The following CSMD1 variants were observed in gnomAD, a reference collection of about 807,000 sequenced individuals.
CSMD1 encodes CUB and sushi domain-containing protein 1.
Under a neutral mutation model 417.5 loss-of-function variants are expected in CSMD1, and 213 were observed. The observed-to-expected ratio is 0.51, with a 90% CI of 0.46 to 0.57. The LOEUF (loss-of-function observed/expected upper bound fraction) is 0.57, where lower values mean the gene tolerates loss of function less well. Ranked by LOEUF, CSMD1 falls within the 20% of genes least tolerant of loss-of-function variation. The pLI is 0.00. For synonymous variants in CSMD1, 2,862 were observed against 1,736.8 expected (o/e 1.65, Z -16.11); for missense variants, 6,923 against 4,529.7 (o/e 1.53, Z -15.17).
rs200640055 is a variant in CSMD1 at position 3,999,667 on chromosome 8, T to G, written c.611-1557A>C. 1.2e-4 allele frequency among the ~76,000 whole-genome samples: 18 copies of G among 152,276 alleles called. No homozygotes were observed. The East Asian group carries it at 3.5e-3, about 29-fold the overall frequency. On this transcript the variant is annotated intron_variant, in intron 4 of 69. Transcript: ENST00000635120. ...CCATCCTTCCTACGGGATGCCAGGC[T>G]GGTCTACACACTAGGCATTCTCATG...
rs750772978 is a variant in CSMD1, at chr8:4,070,942, G to A, written c.416-38843C>T. On this transcript the variant is annotated intron_variant, in intron 3 of 69. Transcript: ENST00000635120. ...TTGTTTTCTATGGATGGCCTCCATG[G>A]TGTTTGATGTAAAATCAGCAATAAT... 2.6e-5 allele frequency among the ~76,000 whole-genome samples: 4 copies of A among 152,220 alleles called. No homozygotes were observed. In the Middle Eastern group the frequency reaches 0.014, roughly 518 times the overall value.
chr8:4,823,774 G>A (rs1007541970), intron 1 of CSMD1, among the ~76,000 whole-genome samples: 5 of 151,808 alleles, frequency 3.3e-5, no homozygotes, highest in African/African-American at 1.2e-4. Context: ...TGGTGGCAGT[G>A]TGTGCACAAG....
In CSMD1 at chr8:3,647,406, C is replaced by T. The variant is rs117747915; in HGVS notation, c.1010-30609G>A. Among the ~76,000 whole-genome samples the T allele has an allele frequency of 8.8e-3, 1,336 of 151,630 alleles. 11 individuals are homozygous for T. The highest frequency in any genetic ancestry group is 0.011 in the Non-Finnish European group (724 of 67,912). Reference sequence around the variant, plus strand: ...GAAAGAAATATAAAGAGAAATAGAACACAAAGAGAAAAACAGCATAAAGAG... The same window carrying T: ...GAAAGAAATATAAAGAGAAATAGAATACAAAGAGAAAAACAGCATAAAGAG... On this transcript the variant is annotated intron_variant, in intron 7 of 69. Transcript: ENST00000635120.
chr8:3,913,527 G>A (rs562701388), intron 5 of CSMD1, among the ~76,000 whole-genome samples: 57 of 152,278 alleles, frequency 3.7e-4, no homozygotes, highest in African/African-American at 1.3e-3. Context: ...AAAGGATGGA[G>A]CGAGCCCTAG....
intron 49 of CSMD1, among the ~76,000 whole-genome samples, chr8:3,083,623 TATATATATATATATATATATATATA>T (rs1814273712): frequency 4.9e-5 from 1 of 20,234 alleles, no homozygotes; most frequent in South Asian, 2.5e-3. Context: ...TATATATATA[TATATATATATATATATATATATATA>T]TTTTTTTTTT....
intron 3 of CSMD1, among the ~76,000 whole-genome samples, chr8:4,242,871 G>A (rs949829266): frequency 6.6e-6 from 1 of 152,106 alleles, no homozygotes; most frequent in Non-Finnish European, 1.5e-5. Flanking sequence ...AAAGCATCAG[G>A]ATGAAATATT....
intron 11 of CSMD1, among the ~76,000 whole-genome samples, chr8:3,480,659 A>G (rs1817689545): frequency 1.3e-5 from 2 of 152,186 alleles, no homozygotes; most frequent in Admixed American, 6.5e-5. Context: ...TTTAAAAACT[A>G]AAGACAGAAA....
Position 4,313,706 on chromosome 8 carries a change from G to A in CSMD1, c.415+106247C>T, listed in dbSNP as rs191696220. Among the ~76,000 whole-genome samples, 11 of 152,006 alleles carry A rather than the reference G, an allele frequency of 7.2e-5. No homozygotes were observed. In the East Asian group the frequency reaches 1.6e-3, roughly 21 times the overall value. On this transcript the variant is annotated intron_variant, in intron 3 of 69. Transcript: ENST00000635120. ...GAAAGTTTCAGACATTTACTCTAAG[G>A]TCATATGACTTAAAAAAAGCAGAAC... is the stretch of plus-strand genomic sequence containing the variant.
chr8:4,185,281 C>T (rs1306828209), intron 3 of CSMD1, among the ~76,000 whole-genome samples: 1 of 151,932 alleles, frequency 6.6e-6, no homozygotes, highest in Non-Finnish European at 1.5e-5. Flanking sequence ...TGATCTTGGG[C>T]AAATTGTTTA....
chr8:3,677,535 G>A (rs2117581165), intron 7 of CSMD1, among the ~76,000 whole-genome samples: 1 of 152,250 alleles, frequency 6.6e-6, no homozygotes, highest in Middle Eastern at 3.4e-3. Context: ...CAGGGTGGCT[G>A]GGCTCAGCGA....
At chr8:4,149,109 G>A (rs561985152) in intron 3 of CSMD1, among the ~76,000 whole-genome samples, 31 of 151,954 alleles carry the variant, frequency 2.0e-4, no homozygotes, top group Admixed American at 8.5e-4. Flanking sequence ...GATTACAGGC[G>A]TGTACCACCA....
chr8:3,914,616 A>G (rs1808689318), intron 5 of CSMD1, among the ~76,000 whole-genome samples: 1 of 152,132 alleles, frequency 6.6e-6, no homozygotes, highest in Non-Finnish European at 1.5e-5. Flanking sequence ...AGCTAGCATT[A>G]AATGAAACTC....
At chr8:3,437,029 T>C (rs1439221973) in intron 12 of CSMD1, among the ~76,000 whole-genome samples, 1 of 152,210 alleles carries the variant, frequency 6.6e-6, no homozygotes, top group Non-Finnish European at 1.5e-5. Flanking sequence ...ATTGCTCATT[T>C]AAAGTGTGGA....
At chr8:4,357,711 T>C (rs931821793) in intron 3 of CSMD1, among the ~76,000 whole-genome samples, 3 of 152,252 alleles carry the variant, frequency 2.0e-5, no homozygotes, top group Middle Eastern at 3.4e-3. Flanking sequence ...TCAGAATTAA[T>C]TTGAGATCAA....
At chr8:4,607,654 C>T (rs1800949999) in intron 2 of CSMD1, among the ~76,000 whole-genome samples, 1 of 152,082 alleles carries the variant, frequency 6.6e-6, no homozygotes, top group Non-Finnish European at 1.5e-5. Context: ...AAATGGATGG[C>T]ACTACACTTC....
intron 1 of CSMD1, among the ~76,000 whole-genome samples, chr8:4,695,388 G>A (rs887950750): frequency 1.3e-5 from 2 of 152,132 alleles, no homozygotes; most frequent in Non-Finnish European, 2.9e-5. Flanking sequence ...TTATTTACAC[G>A]CATATTACTG....
At chr8:3,446,675 T>A (rs1449734234) in intron 12 of CSMD1, among the ~76,000 whole-genome samples, 3 of 152,138 alleles carry the variant, frequency 2.0e-5, no homozygotes, top group Admixed American at 2.0e-4. Flanking sequence ...TGGTAAAAAG[T>A]AAAAGGTAAA....
intron 11 of CSMD1, among the ~76,000 whole-genome samples, chr8:3,485,542 G>GAGAC (rs1489505987): frequency 1.5e-3 from 105 of 68,416 alleles, no homozygotes; most frequent in Non-Finnish European, 3.1e-3. Context: ...CACACACAGA[G>GAGAC]AGAGAGAGAG....
intron 3 of CSMD1, among the ~76,000 whole-genome samples, chr8:4,179,949 G>A (rs1409199638): frequency 6.6e-6 from 1 of 152,088 alleles, no homozygotes; most frequent in Non-Finnish European, 1.5e-5. Flanking sequence ...AGAGGATGTG[G>A]AGAAATAGGA....
Sources: allele counts gnomAD v4.1 joint callset (sites outside exome capture counted in the v4.1 genomes callset), GRCh38; gene constraint gnomAD v4.1.1; transcripts MANE v1.5; gene names NCBI Gene and HGNC (gene_info 2026-07-23, HGNC 2026-07-21).